Variants in CCDC144A observed in about 807,000 individuals in gnomAD.
The protein encoded by CCDC144A is coiled-coil domain containing 144A.
CCDC144A carries 41 observed loss-of-function variants against 143.8 expected under a neutral mutation model. The observed-to-expected ratio is 0.29, with a 90% CI of 0.22 to 0.37. The LOEUF (loss-of-function observed/expected upper bound fraction) is 0.37, where lower values mean the gene tolerates loss of function less well. Ranked by LOEUF, CCDC144A falls within the 10% of genes least tolerant of loss-of-function variation. The pLI is 1.00. For missense variants in CCDC144A, 637 were observed against 1,488.8 expected (o/e 0.43, Z 9.41); for synonymous variants, 242 against 517.9 (o/e 0.47, Z 7.23).
chr17:16,724,414 G>T (rs1436720980), intron 8 of CCDC144A, among the ~76,000 whole-genome samples: 2 of 151,624 alleles, frequency 1.3e-5, no homozygotes, highest in Non-Finnish European at 2.9e-5. Context: ...GCAGGCTGAG[G>T]CAGGAGAATG....
intron 12 of CCDC144A, among the ~76,000 whole-genome samples, chr17:16,748,372 C>A (rs959363242): frequency 9.9e-5 from 15 of 152,062 alleles, no homozygotes; most frequent in African/African-American, 3.6e-4. Context: ...AGTTTTCATT[C>A]TGTTTATGTG....
At chr17:16,702,276 A>G (rs1464900655) in intron 2 of CCDC144A, among the ~76,000 whole-genome samples, 1 of 152,090 alleles carries the variant, frequency 6.6e-6, no homozygotes, top group African/African-American at 2.4e-5. Context: ...TAAGCTTCTC[A>G]CTGAATGAAC....
the CCDC144A span, among the ~76,000 whole-genome samples, chr17:16,682,883 GTTTTTTTTTTTTTTTTTTTTTT>G: frequency 3.9e-4 from 18 of 46,456 alleles, no homozygotes; most frequent in African/African-American, 5.8e-4. Context: ...TGGATTCTCT[GTTTTTTTTTTTTTTTTTTTTTT>G]TTTTTTTTTT....
chr17:16,712,031 G>A, intron 6 of CCDC144A: 1 of 646,126 alleles, frequency 1.5e-6, no homozygotes, highest in Non-Finnish European at 2.5e-6. Context: ...TCAGGAGGCT[G>A]AGGCAAGAGA....
intron 8 of CCDC144A, among the ~76,000 whole-genome samples, chr17:16,726,380 CA>C (rs1172386875): frequency 0.03 from 2,104 of 69,796 alleles, 25 homozygotes; most frequent in Admixed American, 0.1. Context: ...GACTCCGTCT[CA>C]AAAAAAAAAA....
intron 15 of CCDC144A, among the ~76,000 whole-genome samples, chr17:16,771,289 A>G (rs1915816065): frequency 6.6e-6 from 1 of 152,286 alleles, no homozygotes. Context: ...CCTAGTTTTT[A>G]ATTCTAGACA....
At chr17:16,677,342 TA>T in the CCDC144A span, among the ~76,000 whole-genome samples, 4 of 152,108 alleles carry the variant, frequency 2.6e-5, no homozygotes, top group Admixed American at 2.6e-4. Flanking sequence ...GAGCTGCAAT[TA>T]AAGATTTCCC....
intron 12 of CCDC144A, among the ~76,000 whole-genome samples, chr17:16,757,573 G>C (rs1171143027): frequency 6.6e-6 from 1 of 152,238 alleles, no homozygotes; most frequent in East Asian, 1.9e-4. Flanking sequence ...AGCAAGCAAA[G>C]TGGCCTTGTC....
the CCDC144A span, among the ~76,000 whole-genome samples, chr17:16,681,588 T>G: frequency 6.6e-6 from 1 of 152,106 alleles, no homozygotes; most frequent in African/African-American, 2.4e-5. Context: ...CCGGGCATGG[T>G]GGCTCACGCC....
chr17:16,714,108 ACCTGGCTTTTCTT>A (rs2143146937), intron 6 of CCDC144A, among the ~76,000 whole-genome samples: 1 of 152,106 alleles, frequency 6.6e-6, no homozygotes, highest in African/African-American at 2.4e-5. Flanking sequence ...TCACTCACTC[ACCTGGCTTTTCTT>A]CCTGCCTTTC....
intron 2 of CCDC144A, among the ~76,000 whole-genome samples, chr17:16,703,647 AC>A (rs1426336500): frequency 1.3e-5 from 2 of 152,066 alleles, no homozygotes; most frequent in African/African-American, 4.8e-5. Flanking sequence ...TACTAAAAAT[AC>A]AAAAAATTAG....
At chr17:16,749,726 T>C (rs1914699763) in intron 12 of CCDC144A, among the ~76,000 whole-genome samples, 1 of 152,200 alleles carries the variant, frequency 6.6e-6, no homozygotes, top group South Asian at 2.1e-4. Context: ...ACTGAGTCTT[T>C]TGGTAGGTCT....
chr17:16,678,816 G>A, the CCDC144A span, among the ~76,000 whole-genome samples: 12 of 147,202 alleles, frequency 8.2e-5, no homozygotes, highest in Middle Eastern at 7.1e-3. Context: ...GTGCAATGGC[G>A]CAATCTTGGC....
In CCDC144A at chr17:16,742,183, A is replaced by G. The variant is rs573761673; in HGVS notation, c.3372+6540A>G. ...CCTATGTAACTGTAATCTTGTATCCATTAACCAGCCTCTCCCCATCTTCTA... is the reference window on the plus strand; with the variant it reads ...CCTATGTAACTGTAATCTTGTATCCGTTAACCAGCCTCTCCCCATCTTCTA... On this transcript the variant is annotated intron_variant, in intron 12 of 16. Coordinates refer to ENST00000399273, the MANE Select transcript of CCDC144A (RefSeq NM_001382000.1). Among the ~76,000 whole-genome samples the G allele has an allele frequency of 6.5e-3, 989 of 152,098 alleles. 11 individuals are homozygous for G. The highest frequency in any genetic ancestry group is 8.2e-3 in the Non-Finnish European group (560 of 67,996).
chr17:16,695,819 G>C (rs1911365022), intron 2 of CCDC144A, among the ~76,000 whole-genome samples: 1 of 152,166 alleles, frequency 6.6e-6, no homozygotes, highest in Non-Finnish European at 1.5e-5. Context: ...AGCATGAAGA[G>C]TGAGTAGAAC....
At chr17:16,769,535 C>T (rs1915742695) in intron 15 of CCDC144A, among the ~76,000 whole-genome samples, 2 of 152,198 alleles carry the variant, frequency 1.3e-5, no homozygotes, top group African/African-American at 2.4e-5. Context: ...ATTGATTTTC[C>T]TAAACCACGT....
At chr17:16,684,716 C>A (rs1185356461), upstream of CCDC144A, among the ~76,000 whole-genome samples, 2 of 151,440 alleles carry the variant, frequency 1.3e-5, no homozygotes, top group Admixed American at 6.6e-5. Flanking sequence ...TGTAACCCAG[C>A]AATTTAGGAG....
chr17:16,765,798 G>A (rs1192824992), intron 15 of CCDC144A: 1 of 152,212 alleles, frequency 6.6e-6, no homozygotes, highest in African/African-American at 2.4e-5. Flanking sequence ...AAAATGAGAT[G>A]ATCAGCGTCC....
chr17:16,752,086 G>T (rs1186247008), intron 12 of CCDC144A, among the ~76,000 whole-genome samples: 2 of 152,208 alleles, frequency 1.3e-5, no homozygotes, highest in Admixed American at 1.3e-4. Flanking sequence ...GACCAGTACT[G>T]GTCTGTGACC....
Sources: allele counts gnomAD v4.1 joint callset (sites outside exome capture counted in the v4.1 genomes callset), GRCh38; gene constraint gnomAD v4.1.1; transcripts MANE v1.5; gene names NCBI Gene and HGNC (gene_info 2026-07-23, HGNC 2026-07-21).